SLN: variants seen among roughly 807,000 people sequenced by gnomAD.
The protein encoded by SLN is sarcolipin.
For synonymous variants in SLN, 19 were observed against 14.4 expected, an observed-to-expected ratio of 1.32 and a Z score of -0.72; for missense variants, 34 against 37.4, an observed-to-expected ratio of 0.91 and a Z score of 0.24.
Position 107,707,710 on chromosome 11 carries a change from T to C in SLN, c.*125A>G. The C allele has an allele frequency of 1.4e-6, 1 of 694,742 alleles. No individual in the cohort carries two copies. The highest frequency in any genetic ancestry group is 2.6e-6 in the Non-Finnish European group (1 of 384,412). 43.0% of individuals were successfully genotyped at this position (694,742 alleles called of 1,614,324 possible). A position where few individuals can be genotyped will look rare whatever the true frequency, so the allele number is the denominator to read the frequency against. ...ACTACAGCATAGCAGATATTGTGAG[T>C]GCAGGTCACAGGTGCCCTCGGATGG... On this transcript the variant is annotated 3_prime_UTR_variant, in exon 2 of 2. Transcript: ENST00000305991.
At chr11:107,709,709 G>A (rs1867193084) in intron 1 of SLN, among the ~76,000 whole-genome samples, 1 of 152,124 alleles carries the variant, frequency 6.6e-6, no homozygotes, top group African/African-American at 2.4e-5. Context: ...AAATCAGATG[G>A]TGCCAACCAG....
In SLN at chr11:107,707,827, A is replaced by G. The variant is rs1297742026; in HGVS notation, c.*8T>C. 3 of 1,604,586 alleles carry G rather than the reference A, an allele frequency of 1.9e-6. No homozygotes were observed. Among genetic ancestry groups the G allele is most frequent in the Admixed American group, 3.3e-5 (2 of 59,970 alleles). ...TCTCAGTCAATCCCAGGACCATGGC[A>G]TGGCCTCTCAGTACTGATAGGACCT... On this transcript the variant is annotated 3_prime_UTR_variant, in exon 2 of 2. Coordinates refer to ENST00000305991, the MANE Select transcript of SLN (RefSeq NM_003063.3).
At chr11:107,708,610 T>C (rs1867179683) in intron 1 of SLN, among the ~76,000 whole-genome samples, 1 of 152,218 alleles carries the variant, frequency 6.6e-6, no homozygotes, top group Non-Finnish European at 1.5e-5. Flanking sequence ...CTGATTTCTC[T>C]GCCTGATGTC....
chr11:107,710,606 T>C (rs1014930795), intron 1 of SLN, among the ~76,000 whole-genome samples: 3 of 152,232 alleles, frequency 2.0e-5, no homozygotes, highest in African/African-American at 7.2e-5. Context: ...CACAAGTGAA[T>C]TGTCACTGCA....
At chr11:107,708,124 A>T (rs919837138) in intron 1 of SLN, 119 bp from the exon 2 acceptor site, 5 of 589,774 alleles carry the variant, frequency 8.5e-6, no homozygotes, top group Admixed American at 5.9e-5. Context: ...GATGGGCTAA[A>T]TTGTGTCCCC....
intron 1 of SLN, 71 bp downstream of exon 1, chr11:107,711,892 C>A (rs953238139): frequency 6.6e-6 from 1 of 152,182 alleles, no homozygotes; most frequent in East Asian, 1.9e-4. Context: ...GCAAACATTC[C>A]TCTGCCTTTC....
rs756079950 is a variant in SLN at position 107,707,414 on chromosome 11, T to G, written c.*421A>C. The G allele has an allele frequency of 6.3e-6, 1 of 159,832 alleles. No homozygotes were observed. The highest frequency in any genetic ancestry group is 1.4e-5 in the Non-Finnish European group (1 of 73,036). The allele number at this position is 159,832 out of a possible 1,614,324, so 9.9% of individuals were successfully genotyped here. A position where few individuals can be genotyped will look rare whatever the true frequency, so the allele number is the denominator to read the frequency against. On this transcript the variant is annotated 3_prime_UTR_variant, in exon 2 of 2. Coordinates refer to ENST00000305991, the MANE Select transcript of SLN (RefSeq NM_003063.3). ...GACTTAACTTTATTCACATGATAGC[T>G]ATAAGGGCTGACAAAGACTTCCTCT...
At chr11:107,711,102 C>T (rs976004951) in intron 1 of SLN, among the ~76,000 whole-genome samples, 1 of 152,148 alleles carries the variant, frequency 6.6e-6, no homozygotes, top group Non-Finnish European at 1.5e-5. Flanking sequence ...ATCCCAACAT[C>T]TTGGGGCAGA....
intron 1 of SLN, among the ~76,000 whole-genome samples, chr11:107,710,755 C>T (rs534793131): frequency 1.3e-5 from 2 of 152,272 alleles, no homozygotes; most frequent in Admixed American, 1.3e-4. Context: ...CAGTCAAGGA[C>T]GTGCGTGCCA....
chr11:107,710,142 G>C (rs573079040), intron 1 of SLN, among the ~76,000 whole-genome samples: 2 of 152,304 alleles, frequency 1.3e-5, no homozygotes, highest in African/African-American at 4.8e-5. Context: ...AACGAAGACA[G>C]ACTCTTTCTT....
chr11:107,708,205 T>G lies in SLN; in HGVS notation c.-75-200A>C, dbSNP rs181267041. On this transcript the variant is annotated intron_variant, in intron 1 of 1. Transcript: ENST00000305991. ...TGACTGTGTTTGAAGATAGGGTCTT[T>G]TAAGAGGTAAATAAGTTAAAATTAG... is the stretch of plus-strand genomic sequence containing the variant. 9.9e-5 allele frequency among the ~76,000 whole-genome samples: 15 copies of G among 152,124 alleles called. No individual in the cohort carries two copies. The East Asian group carries it at 2.9e-3, about 30-fold the overall frequency.
chr11:107,710,491 TAGAG>T (rs3837406), intron 1 of SLN, among the ~76,000 whole-genome samples: 1 of 147,712 alleles, frequency 6.8e-6, no homozygotes, highest in African/African-American at 2.5e-5. Flanking sequence ...AACTGACTTT[TAGAG>T]AGAGGAGATT....
intron 1 of SLN, among the ~76,000 whole-genome samples, chr11:107,710,209 T>A (rs760246425): frequency 2.6e-4 from 39 of 152,190 alleles, no homozygotes; most frequent in Non-Finnish European, 4.3e-4. Context: ...TTGGGTAAGT[T>A]CTCAAGAAAT....
chr11:107,708,259 GA>G (rs1397204554), intron 1 of SLN, among the ~76,000 whole-genome samples: 2 of 152,076 alleles, frequency 1.3e-5, no homozygotes, highest in East Asian at 3.9e-4. Flanking sequence ...AATCCAATAT[GA>G]CTAGTGTCTT....
intron 1 of SLN, 78 bp from the exon 2 acceptor site, chr11:107,708,083 G>T: frequency 1.6e-6 from 1 of 639,364 alleles, no homozygotes. Context: ...TTCCTCAAAG[G>T]AAACAGAAGT....
At chr11:107,709,290 A>G (rs905488108) in intron 1 of SLN, among the ~76,000 whole-genome samples, 2 of 152,240 alleles carry the variant, frequency 1.3e-5, no homozygotes, top group East Asian at 1.9e-4. Context: ...TTCGATATCT[A>G]TGTTTTAGAC....
At chr11:107,709,695 G>A (rs568144509) in intron 1 of SLN, among the ~76,000 whole-genome samples, 85 of 151,872 alleles carry the variant, frequency 5.6e-4, no homozygotes, top group African/African-American at 2.0e-3. Flanking sequence ...AAAAATACAA[G>A]TTCAAATCAG....
At chr11:107,709,847 G>T (rs569248608) in intron 1 of SLN, among the ~76,000 whole-genome samples, 10 of 152,298 alleles carry the variant, frequency 6.6e-5, no homozygotes, top group African/African-American at 2.4e-4. Context: ...GCTGGGCGTG[G>T]TGGCTCATGC....
chr11:107,707,782 G>T lies in SLN; in HGVS notation c.*53C>A. On this transcript the variant is annotated 3_prime_UTR_variant, in exon 2 of 2. Coordinates refer to ENST00000305991, the MANE Select transcript of SLN (RefSeq NM_003063.3). ...GACAGCAGTGGGGTCTCAGGGCATAGAGCAGGCAGCTCCGGAGCATCTCAG... is the reference window on the plus strand; with the variant it reads ...GACAGCAGTGGGGTCTCAGGGCATATAGCAGGCAGCTCCGGAGCATCTCAG... 7.3e-7 allele frequency: 1 copy of T among 1,360,806 alleles called. No homozygotes were observed. Among genetic ancestry groups the T allele is most frequent in the Non-Finnish European group, 1.1e-6 (1 of 951,052 alleles). The allele number at this position is 1,360,806 out of a possible 1,614,324, so 84.3% of individuals were successfully genotyped here. A position where few individuals can be genotyped will look rare whatever the true frequency, so the allele number is the denominator to read the frequency against.
Sources: gnomAD v4.1 joint callset for allele counts (sites outside exome capture counted in the v4.1 genomes callset) on GRCh38, gnomAD v4.1.1 for gene constraint, MANE v1.5 for transcripts, NCBI Gene and HGNC (gene_info 2026-07-23, HGNC 2026-07-21) for gene names.